Variants in SLC38A2 observed in about 807,000 individuals in gnomAD.
SLC38A2 encodes solute carrier family 38 member 2.
In SLC38A2, 11 loss-of-function variants were observed where a neutral mutation model predicts 61.5. The ratio of observed to expected loss-of-function variants is 0.18; its 90% CI spans 0.11 to 0.30. The LOEUF is 0.30. SLC38A2 is among the 10% of genes least tolerant of loss of function. The pLI, the probability that SLC38A2 is intolerant of heterozygous loss-of-function variation, is 1.00. For missense variants in SLC38A2, 522 were observed against 600.4 expected, an observed-to-expected ratio of 0.87 and a Z score of 1.36; for synonymous variants, 217 against 212.5, an observed-to-expected ratio of 1.02 and a Z score of -0.18.
rs1481742372 is a variant in SLC38A2, at chr12:46,358,721, G to A, written c.*2390C>T. 2 of 152,498 alleles carry A rather than the reference G, an allele frequency of 1.3e-5. No homozygotes were observed. Among genetic ancestry groups the A allele is most frequent in the African/African-American group, 2.4e-5 (1 of 41,398 alleles). 9.4% of individuals were successfully genotyped at this position (152,498 alleles called of 1,614,324 possible). The stretch of plus-strand genomic sequence containing the variant: ...TACAACCTATTTACAAATACATATG[G>A]ACAGACAATATATGTACATAGATTA... On this transcript the variant is annotated 3_prime_UTR_variant, in exon 16 of 16. Coordinates refer to ENST00000256689, the MANE Select transcript of SLC38A2 (RefSeq NM_018976.5).
Position 46,362,603 on chromosome 12 carries a change from T to C in SLC38A2, c.1215A>G (p.Ser405=), listed in dbSNP as rs1410509363. The change falls in exon 14 of 16, where the codon TCA becomes TCG. Residue 405 remains serine, a synonymous_variant. Transcript: ENST00000256689. ...RSSVTHLLCA[S]KDFSWWRHSL... Reference sequence around the variant, plus strand: ...TATGACGCCACCAACTGAAATCTTTTGATGCACACAACAAGTGAGTTACAG... The same window carrying C: ...TATGACGCCACCAACTGAAATCTTTCGATGCACACAACAAGTGAGTTACAG... 6.3e-7 allele frequency: 1 copy of C among 1,589,434 alleles called. No homozygotes were observed. Among genetic ancestry groups the C allele is most frequent in the Admixed American group, 2.0e-5 (1 of 51,142 alleles).
intron 12 of SLC38A2, 103 bp from the exon 13 acceptor site, chr12:46,363,248 A>C: frequency 8.0e-7 from 1 of 1,250,278 alleles, no homozygotes; most frequent in South Asian, 1.4e-5. Context: ...TACTCACAAA[A>C]CGACTATAAA....
In SLC38A2 at chr12:46,365,091, A is replaced by G; in HGVS notation, c.646+16T>C. 1 of 1,605,674 alleles carries G rather than the reference A, an allele frequency of 6.2e-7. No homozygotes were observed. The highest frequency in any genetic ancestry group is 8.5e-7 in the Non-Finnish European group (1 of 1,172,892). On this transcript the variant is annotated intron_variant, in intron 8 of 15. Transcript: ENST00000256689. The stretch of plus-strand genomic sequence containing the variant: ...AGAGGCTCATTTCAATTCTCTTTAG[A>G]GATGAGTTTGCTCACCTAAATTTCT...
rs1943221593 is a variant in SLC38A2 at position 46,372,771 on chromosome 12, T to C, written c.-349A>G. ...TTCTAAGGCGGCGGCGTCGCGCGGC[T>C]GTGGAGCAGCCCTGCGAGCGGCGGG... On this transcript the variant is annotated 5_prime_UTR_variant, in exon 1 of 16. Transcript: ENST00000256689. 2.5e-6 allele frequency: 1 copy of C among 398,058 alleles called. No individual in the cohort carries two copies. Among genetic ancestry groups the C allele is most frequent in the African/African-American group, 2.1e-5 (1 of 48,598 alleles). The allele number at this position is 398,058 out of a possible 1,614,324, so 24.7% of individuals were successfully genotyped here.
At chr12:46,361,569 A>G (rs1479124576) in intron 15 of SLC38A2, among the ~76,000 whole-genome samples, 2 of 152,158 alleles carry the variant, frequency 1.3e-5, no homozygotes, top group African/African-American at 2.4e-5. Context: ...AAATGCAGCA[A>G]AAGTCAAAGC....
In SLC38A2 at chr12:46,363,108, A is replaced by G. The variant is rs753551947; in HGVS notation, c.1092T>C (p.Ser364=). Residue 364 remains serine (S), a synonymous_variant, in exon 13 of 16, where the codon TCT becomes TCC. Coordinates refer to ENST00000256689, the MANE Select transcript of SLC38A2 (RefSeq NM_018976.5). The stretch of plus-strand genomic sequence containing the variant: ...GAAGAAGAATATCAGTTCCCAAGAT[A>G]GAAGAGTAGGTATGAAGCAATTCTG... The part of the protein sequence containing the change: ...VESELLHTYS[S]ILGTDILLLI... 1.2e-6 allele frequency: 2 copies of G among 1,613,064 alleles called. No homozygotes were observed. The highest frequency in any genetic ancestry group is 2.2e-5 in the South Asian group (2 of 91,050).
chr12:46,363,716 C>T lies in SLC38A2; in HGVS notation c.1054+10G>A, dbSNP rs780377236. On this transcript the variant is annotated intron_variant, in intron 12 of 15. Coordinates refer to ENST00000256689, the MANE Select transcript of SLC38A2 (RefSeq NM_018976.5). Reference sequence around the variant, plus strand: ...TTTGTTTTTGTTTTGGTAAAGGAGGCGTTACTTACCGTAAAATGTTAGGTA... The same window carrying T: ...TTTGTTTTTGTTTTGGTAAAGGAGGTGTTACTTACCGTAAAATGTTAGGTA... The T allele has an allele frequency of 4.6e-6, 7 of 1,519,234 alleles. No individual in the cohort carries two copies. Among genetic ancestry groups the T allele is most frequent in the South Asian group, 1.3e-5 (1 of 78,010 alleles). The allele number at this position is 1,519,234 out of a possible 1,614,324, so 94.1% of individuals were successfully genotyped here.
chr12:46,370,932 A>G, intron 2 of SLC38A2, 75 bp from the exon 3 acceptor site: 1 of 1,144,992 alleles, frequency 8.7e-7, no homozygotes, highest in Non-Finnish European at 1.3e-6. Flanking sequence ...CTGCTTTAAC[A>G]TAAAATACCC....
intron 15 of SLC38A2, 55 bp downstream of exon 15, chr12:46,362,229 G>C: frequency 7.3e-7 from 1 of 1,369,910 alleles, no homozygotes; most frequent in Non-Finnish European, 9.9e-7. Flanking sequence ...ATTAAAATCA[G>C]TTGGGGAAAT....
chr12:46,361,357 C>A (rs1943079691), intron 15 of SLC38A2, 148 bp from the exon 16 acceptor site: 2 of 678,710 alleles, frequency 2.9e-6, no homozygotes, highest in Non-Finnish European at 2.5e-6. Context: ...AATATAAACT[C>A]CTAAGTGATC....
chr12:46,372,352 G>C lies in SLC38A2; in HGVS notation c.-87+157C>G, dbSNP rs562271460. ...CGCGGGCGCGACACCCGCGCGGCGG[G>C]CCAGGGTGGAAGGCTGGCCAGCCCA... On this transcript the variant is annotated intron_variant, in intron 1 of 15. Transcript: ENST00000256689. 7.3e-3 allele frequency: 1,660 copies of C among 227,028 alleles called. 9 individuals carry two copies. The highest frequency in any genetic ancestry group is 0.014 in the Middle Eastern group (11 of 778). 14.1% of individuals were successfully genotyped at this position (227,028 alleles called of 1,614,324 possible). A position where few individuals can be genotyped will look rare whatever the true frequency, so the allele number is the denominator to read the frequency against.
chr12:46,371,485 T>G, intron 1 of SLC38A2, 106 bp from the exon 2 acceptor site: 3 of 557,394 alleles, frequency 5.4e-6, no homozygotes, highest in Non-Finnish European at 9.4e-6. Flanking sequence ...GCCAGGCGAG[T>G]GGAAAAGTAC....
At chr12:46,371,135 C>A (rs969276146) in intron 2 of SLC38A2, 43 bp downstream of exon 2, 8 of 1,555,350 alleles carry the variant, frequency 5.1e-6, no homozygotes, top group Middle Eastern at 1.7e-4. Flanking sequence ...CTGAACCCAA[C>A]CCATGCAAGC....
intron 4 of SLC38A2, 43 bp downstream of exon 4, chr12:46,370,469 G>A (rs756692450): frequency 2.1e-6 from 3 of 1,416,232 alleles, no homozygotes; most frequent in Non-Finnish European, 3.0e-6. Context: ...TTTTACCATA[G>A]TAACTGCCCT....
intron 5 of SLC38A2, 32 bp from the exon 6 acceptor site, chr12:46,367,200 G>C (rs1346607188): frequency 1.8e-5 from 28 of 1,596,818 alleles, no homozygotes; most frequent in Non-Finnish European, 2.4e-5. Flanking sequence ...ATGAAGCCAA[G>C]GATTTTAAAA....
chr12:46,364,336 C>G, intron 10 of SLC38A2, 53 bp downstream of exon 10: 1 of 1,495,922 alleles, frequency 6.7e-7, no homozygotes, highest in Non-Finnish European at 8.9e-7. Context: ...TGAATAGCTT[C>G]CCTCTTTTCT....
rs1316171188 is a variant in SLC38A2 at position 46,359,908 on chromosome 12, T to A, written c.*1203A>T. ...AAAGCTTACTGCATGAGAAACCCAG[T>A]GGCCTACGCAAAGAGAACTTATATC... is the stretch of plus-strand genomic sequence containing the variant. On this transcript the variant is annotated 3_prime_UTR_variant, in exon 16 of 16. Coordinates refer to ENST00000256689, the MANE Select transcript of SLC38A2 (RefSeq NM_018976.5). The A allele has an allele frequency of 6.5e-6, 1 of 152,680 alleles. No individual in the cohort carries two copies. Among genetic ancestry groups the A allele is most frequent in the Non-Finnish European group, 1.5e-5 (1 of 68,042 alleles). The allele number at this position is 152,680 out of a possible 1,614,324, so 9.5% of individuals were successfully genotyped here.
Position 46,359,234 on chromosome 12 carries a change from A to AG in SLC38A2, c.*1876dup, listed in dbSNP as rs1325973738. The AG allele has an allele frequency of 6.6e-6, 1 of 152,578 alleles. No homozygotes were observed. 9.5% of individuals were successfully genotyped at this position (152,578 alleles called of 1,614,324 possible). On this transcript the variant is annotated 3_prime_UTR_variant, in exon 16 of 16. Transcript: ENST00000256689. ...GAGGTGAGGTTCTGCATTCGAATGG[A>AG]GTGCCTAAAGCCCAATTAAATGAAA...
At chr12:46,366,737 T>C in intron 7 of SLC38A2, 127 bp downstream of exon 7, 5 of 882,692 alleles carry the variant, frequency 5.7e-6, no homozygotes, top group Non-Finnish European at 8.3e-6. Flanking sequence ...GGGGGCCTTC[T>C]TGGTCAGTTT....
Sources: gnomAD v4.1 joint callset for allele counts (sites outside exome capture counted in the v4.1 genomes callset) on GRCh38, gnomAD v4.1.1 for gene constraint, MANE v1.5 for transcripts, NCBI Gene and HGNC (gene_info 2026-07-23, HGNC 2026-07-21) for gene names.